Variants in FLNC observed in about 807,000 individuals in gnomAD.
The protein encoded by FLNC is filamin C.
Under a neutral mutation model 254.3 loss-of-function variants are expected in FLNC, and 91 were observed. That is an observed-to-expected ratio of 0.36 (90% CI 0.30 to 0.43). FLNC has a LOEUF of 0.43. Among genes scored for constraint, FLNC ranks in the 20% least tolerant of loss-of-function variants. FLNC has a pLI of 1.00. For missense variants in FLNC, 2,853 were observed against 3,802.6 expected, an observed-to-expected ratio of 0.75 and a Z score of 6.57; for synonymous variants, 1,430 against 1,577.2, an observed-to-expected ratio of 0.91 and a Z score of 2.21.
Position 128,846,886 on chromosome 7 carries a change from C to CCG in FLNC, c.4269_4270insCG (p.Gly1424ArgfsTer15). On this transcript the variant is annotated frameshift_variant, in exon 24 of 48. Coordinates refer to ENST00000325888, the MANE Select transcript of FLNC (RefSeq NM_001458.5). LOFTEE classifies it high-confidence loss of function. ...GAGACTATGACGTCAACATCACCTT[C>CCG]GGGGGGCGGCCCATCCCAGGTGTGC... The CCG allele has an allele frequency of 6.2e-7, 1 of 1,614,208 alleles. No homozygotes were observed. Among genetic ancestry groups the CCG allele is most frequent in the Non-Finnish European group, 8.5e-7 (1 of 1,180,026 alleles).
rs749311937 is a variant in FLNC at position 128,850,367 on chromosome 7, C to G, written c.5299-17C>G. 3.1e-6 allele frequency: 5 copies of G among 1,604,488 alleles called. No individual in the cohort carries two copies. The South Asian group carries it at 3.3e-5, about 11-fold the overall frequency. ...GGCCTTCCCCAGTCACTGACTGTTC[C>G]CTCTCACCTGCTGCAGGCCACAGAG... On this transcript the variant is annotated splice_polypyrimidine_tract_variant and intron_variant, in intron 31 of 47. Transcript: ENST00000325888.
At chr7:128,843,682 TG>T in intron 18 of FLNC, 105 bp downstream of exon 18, 1 of 1,496,932 alleles carries the variant, frequency 6.7e-7, no homozygotes, top group East Asian at 2.3e-5. Context: ...ACGCCTTTCC[TG>T]CCTCCTGCCC....
chr7:128,837,058 G>C (rs1808118580), intron 2 of FLNC, 102 bp from the exon 3 acceptor site: 3 of 813,416 alleles, frequency 3.7e-6, no homozygotes, highest in Admixed American at 4.0e-5. Context: ...TGGTGGGAAG[G>C]GGTGTAAAGC....
At chr7:128,840,395 A>G (rs578068207) in intron 9 of FLNC, among the ~76,000 whole-genome samples, 153 bp from the exon 10 acceptor site, 6 of 152,312 alleles carry the variant, frequency 3.9e-5, no homozygotes, top group African/African-American at 1.4e-4. Flanking sequence ...CACAGGGATG[A>G]CAAGTGTTCC....
In FLNC at chr7:128,841,874, C is replaced by G. The variant is rs984583301; in HGVS notation, c.2121+307C>G. Among the ~76,000 whole-genome samples the G allele has an allele frequency of 2.2e-4, 34 of 152,158 alleles. No individual in the cohort carries two copies. Among genetic ancestry groups the G allele is most frequent in the African/African-American group, 7.5e-4 (31 of 41,452 alleles). Reference sequence around the variant, plus strand: ...TTTCTCAGACTGGTGTCCATTGACCCCTAGAGGTTAATGAACATATTCTTG... The same window carrying G: ...TTTCTCAGACTGGTGTCCATTGACCGCTAGAGGTTAATGAACATATTCTTG... On this transcript the variant is annotated intron_variant, in intron 13 of 47. Transcript: ENST00000325888. This position sits in a 1 kb window ranked among gnomAD's most constrained non-coding sequence, Gnocchi z 4.3.
chr7:128,858,442 G>A lies in FLNC; in HGVS notation c.8097G>A (p.Lys2699=), dbSNP rs764577187. 1 of 1,613,632 alleles carries A rather than the reference G, an allele frequency of 6.2e-7. No homozygotes were observed. The highest frequency in any genetic ancestry group is 8.5e-7 in the Non-Finnish European group (1 of 1,179,766). ...TGTACAATGTCACCTACACTGTCAA[G>A]GAGAAAGGGGACTACATCCTCATTG... ...NRVYNVTYTV[K]EKGDYILIVK... is the part of the protein sequence containing the mutation. Residue 2699 remains lysine, a synonymous_variant, in exon 48 of 48, where the codon AAG becomes AAA. Coordinates refer to ENST00000325888, the MANE Select transcript of FLNC (RefSeq NM_001458.5). The surrounding 1 kb of genome is among the most constrained non-coding windows in gnomAD (Gnocchi z 6.7).
rs765898127 is a variant in FLNC at position 128,842,274 on chromosome 7, G to T, written c.2165G>T (p.Gly722Val). ...CPIDIKVIPN[G>V]DGTFRCSYVP... ...ATCGACATCAAGGTGATCCCCAACG[G>T]CGACGGCACCTTCCGCTGCTCCTAC... Residue 722 changes from glycine (G) to valine (V), a missense_variant, in exon 14 of 48, where the codon GGC becomes GTC. Gly to Val is a moderately radical substitution (Grantham distance 109). Around this residue, in one of 10 missense-constraint regions of FLNC, gnomAD observed 1,573 missense variants for 1,883.5 expected, o/e 0.84. Coordinates refer to ENST00000325888, the MANE Select transcript of FLNC (RefSeq NM_001458.5). The surrounding 1 kb of genome is among the most constrained non-coding windows in gnomAD (Gnocchi z 5.4). The T allele has an allele frequency of 1.2e-6, 2 of 1,613,662 alleles. No individual in the cohort carries two copies. Among genetic ancestry groups the T allele is most frequent in the East Asian group, 2.2e-5 (1 of 44,892 alleles).
intron 1 of FLNC, 104 bp downstream of exon 1, chr7:128,831,093 G>A (rs951756652): frequency 1.9e-6 from 2 of 1,063,626 alleles, no homozygotes; most frequent in South Asian, 2.9e-5. Context: ...GAGACAGGGC[G>A]GAGGGCACCC....
At chr7:128,851,680 C>A in intron 35 of FLNC, 52 bp downstream of exon 35, 2 of 1,586,282 alleles carry the variant, frequency 1.3e-6, no homozygotes, top group African/African-American at 1.3e-5. Context: ...ACACCGCATA[C>A]AGTGCACTCA....
chr7:128,857,513 C>T lies in FLNC; in HGVS notation c.7780+177C>T, dbSNP rs2699442. On this transcript the variant is annotated intron_variant, in intron 46 of 47. Coordinates refer to ENST00000325888, the MANE Select transcript of FLNC (RefSeq NM_001458.5). The surrounding 1 kb of genome is among the most constrained non-coding windows in gnomAD (Gnocchi z 4.5). ...CGTTCTGTGGAGTCGGGCATGATCA[C>T]GTAAAAATGCCATTCTTCCTCTCCA... Among the ~76,000 whole-genome samples, 17,718 of 144,062 alleles carry T rather than the reference C, an allele frequency of 0.12. 2,396 individuals carry two copies. The highest frequency in any genetic ancestry group is 0.32 in the African/African-American group (11,508 of 35,490). The allele number at this position is 144,062 out of a possible 152,430, so 94.5% of individuals were successfully genotyped here. A position where few individuals can be genotyped will look rare whatever the true frequency, so the allele number is the denominator to read the frequency against.
At position 128,851,508 on chromosome 7, in the gene FLNC, GACA is replaced by G. The variant is rs780830196; in HGVS notation, c.5727_5729del (p.Asn1909del). 1 of 1,614,016 alleles carries G rather than the reference GACA, an allele frequency of 6.2e-7. No individual in the cohort carries two copies. Among genetic ancestry groups the G allele is most frequent in the Non-Finnish European group, 8.5e-7 (1 of 1,180,036 alleles). On this transcript the variant is annotated inframe_deletion, in exon 35 of 48. Transcript: ENST00000325888. ...ATCCAAGGCAGAGATCACCTGTAAGGACAACAAGGATGGCACCTGCACCGTGTC... is the reference window on the plus strand; with the variant it reads ...ATCCAAGGCAGAGATCACCTGTAAGGACAAGGATGGCACCTGCACCGTGTC...
Position 128,846,911 on chromosome 7 carries a change from C to T in FLNC, c.4288+6C>T. 1 of 1,614,134 alleles carries T rather than the reference C, an allele frequency of 6.2e-7. No homozygotes were observed. Among genetic ancestry groups the T allele is most frequent in the Non-Finnish European group, 8.5e-7 (1 of 1,180,000 alleles). ...CGGGGGGCGGCCCATCCCAGGTGTG[C>T]AGAGAGAGTGGTCGGGGTCTCAGGG... On this transcript the variant is annotated splice_donor_region_variant and intron_variant, in intron 24 of 47. Coordinates refer to ENST00000325888, the MANE Select transcript of FLNC (RefSeq NM_001458.5).
rs199605456 is a variant in FLNC, at chr7:128,858,391, G to A, written c.8046G>A (p.Val2682=). 26 of 1,593,126 alleles carry A rather than the reference G, an allele frequency of 1.6e-5. No individual in the cohort carries two copies. The East Asian group carries it at 5.8e-4, about 36-fold the overall frequency. The stretch of plus-strand genomic sequence containing the variant: ...GCCCCAAGACCCCCTGTGAGGAGGT[G>A]TACGTGAAGCACATGGGGAACCGGG... ...VHGPKTPCEE[V]YVKHMGNRVY... is the part of the protein sequence containing the mutation. The change falls in exon 48 of 48, where the codon GTG becomes GTA. Residue 2682 remains valine, a synonymous_variant. Coordinates refer to ENST00000325888, the MANE Select transcript of FLNC (RefSeq NM_001458.5). This position sits in a 1 kb window ranked among gnomAD's most constrained non-coding sequence, Gnocchi z 6.7.
chr7:128,845,250 C>T lies in FLNC; in HGVS notation c.3785C>T (p.Pro1262Leu), dbSNP rs757144162. The T allele has an allele frequency of 1.9e-6, 3 of 1,612,684 alleles. No homozygotes were observed. Among genetic ancestry groups the T allele is most frequent in the Non-Finnish European group, 1.7e-6 (2 of 1,179,416 alleles). Residue 1262 changes from proline (P) to leucine (L), a missense_variant, in exon 21 of 48, where the codon CCA becomes CTA. Physicochemically the swap from Pro to Leu is moderately conservative, Grantham distance 98. Transcript: ENST00000325888. ...AAGGTCTCAGGGCCTGGTGTTGAGC[C>T]ACACGGTGAGTGGACAGGAGGAGCC... is the stretch of plus-strand genomic sequence containing the variant. ...GVKVSGPGVE[P>L]HGVLREVTTE...
Position 128,836,877 on chromosome 7 carries a change from G to T in FLNC, c.602-283G>T, listed in dbSNP as rs1295417103. 1.3e-5 allele frequency among the ~76,000 whole-genome samples: 2 copies of T among 152,214 alleles called. No individual in the cohort carries two copies. Among genetic ancestry groups the T allele is most frequent in the African/African-American group, 4.8e-5 (2 of 41,444 alleles). Reference sequence around the variant, plus strand: ...CCAGGGTTTGGGGTTCAAGGTCTGAGCTGGGGCCTGGGCAGGCAGGAGGCC... The same window carrying T: ...CCAGGGTTTGGGGTTCAAGGTCTGATCTGGGGCCTGGGCAGGCAGGAGGCC... On this transcript the variant is annotated intron_variant, in intron 2 of 47. Transcript: ENST00000325888. The surrounding 1 kb of genome is among the most constrained non-coding windows in gnomAD (Gnocchi z 6.0).
chr7:128,834,934 C>A (rs1290462024), intron 1 of FLNC, among the ~76,000 whole-genome samples: 1 of 152,192 alleles, frequency 6.6e-6, no homozygotes, highest in Non-Finnish European at 1.5e-5. Flanking sequence ...AAACTTCATT[C>A]TCTAGCATGT....
rs540652387 is a variant in FLNC, at chr7:128,855,390, G to A, written c.7251+76G>A. On this transcript the variant is annotated intron_variant, in intron 43 of 47. Coordinates refer to ENST00000325888, the MANE Select transcript of FLNC (RefSeq NM_001458.5). The stretch of plus-strand genomic sequence containing the variant: ...AGGAGTTGAGGACAGCAGGTCCATG[G>A]GGCCAGGGATTTAGCAGTGACCTTG... The A allele has an allele frequency of 1.1e-4, 102 of 956,408 alleles. No homozygotes were observed. The Middle Eastern group carries it at 1.2e-3, about 12-fold the overall frequency. The allele number at this position is 956,408 out of a possible 1,614,324, so 59.2% of individuals were successfully genotyped here.
At position 128,851,457 on chromosome 7, in the gene FLNC, G is replaced by A; in HGVS notation, c.5671G>A (p.Gly1891Ser). ...TIVTKDAGEG[G>S]LSLAVEGPSK... The stretch of plus-strand genomic sequence containing the variant: ...CTTGGCCACACCTCCACCTACAGGG[G>A]GTCTGTCACTGGCCGTGGAGGGCCC... The change falls in exon 35 of 48, where the codon GGT becomes AGT. Residue 1891 changes from glycine (G) to serine (S), a missense_variant and splice_region_variant. By Grantham distance (56) the Gly-to-Ser change is moderately conservative. Transcript: ENST00000325888. 3 of 1,613,982 alleles carry A rather than the reference G, an allele frequency of 1.9e-6. No individual in the cohort carries two copies. Among genetic ancestry groups the A allele is most frequent in the East Asian group, 4.5e-5 (2 of 44,888 alleles).
In FLNC at chr7:128,837,625, C is replaced by T; in HGVS notation, c.851-12C>T. ...CTCCCTGAGTAACCTGGGCTCTGCT[C>T]CTGCCCCGTAGGCATCGAGCCACAG... On this transcript the variant is annotated splice_polypyrimidine_tract_variant and intron_variant, in intron 4 of 47. Coordinates refer to ENST00000325888, the MANE Select transcript of FLNC (RefSeq NM_001458.5). 1 of 1,612,860 alleles carries T rather than the reference C, an allele frequency of 6.2e-7. No homozygotes were observed.
Sources: gnomAD v4.1 joint callset for allele counts (sites outside exome capture counted in the v4.1 genomes callset) on GRCh38, gnomAD v4.1.1 for gene constraint, gnomAD v4.1.1 regional missense constraint, Gnocchi (gnomAD v3.1) non-coding constraint, MANE v1.5 for transcripts, NCBI Gene and HGNC (gene_info 2026-07-23, HGNC 2026-07-21) for gene names.